The following CARMIL1 variants were observed in gnomAD, a reference collection of about 807,000 sequenced individuals.
CARMIL1 encodes the protein capping protein regulator and myosin 1 linker 1.
In CARMIL1, 90 loss-of-function variants were observed where a neutral mutation model predicts 177.1. That is an observed-to-expected ratio of 0.51 (90% confidence interval 0.43 to 0.61). The LOEUF (loss-of-function observed/expected upper bound fraction) is 0.61. CARMIL1 is among the 20% of genes least tolerant of loss of function. The pLI is 0.00. For synonymous variants in CARMIL1, 577 were observed against 606.2 expected, an observed-to-expected ratio of 0.95 and a Z score of 0.71; for missense variants, 1,380 against 1,667.0, an observed-to-expected ratio of 0.83 and a Z score of 3.00.
At chr6:25,364,710 C>T (rs1789587736) in intron 2 of CARMIL1, among the ~76,000 whole-genome samples, 1 of 152,016 alleles carries the variant, frequency 6.6e-6, no homozygotes, top group East Asian at 1.9e-4. Flanking sequence ...GTTACAAGTG[C>T]CCGCCACCAC....
intron 2 of CARMIL1, among the ~76,000 whole-genome samples, chr6:25,381,294 G>T (rs1791507612): frequency 6.6e-6 from 1 of 152,168 alleles, no homozygotes; most frequent in African/African-American, 2.4e-5. Context: ...TTAGACCTAA[G>T]CCATTCTGGC....
intron 17 of CARMIL1, among the ~76,000 whole-genome samples, chr6:25,502,289 C>T (rs1042197224): frequency 6.0e-5 from 9 of 150,260 alleles, no homozygotes; most frequent in South Asian, 2.1e-4. Flanking sequence ...AGGCTGGGCG[C>T]GGTCAATGCC....
intron 24 of CARMIL1, among the ~76,000 whole-genome samples, chr6:25,535,842 G>T (rs1226169890): frequency 1.3e-5 from 2 of 152,138 alleles, no homozygotes; most frequent in Non-Finnish European, 1.5e-5. Context: ...CTCTTTCATG[G>T]TAAAGGATCT....
intron 16 of CARMIL1, among the ~76,000 whole-genome samples, chr6:25,496,050 C>T (rs1425547428): frequency 6.6e-6 from 1 of 152,164 alleles, no homozygotes; most frequent in Non-Finnish European, 1.5e-5. Context: ...TTAATGTCTG[C>T]TATTCATCTT....
intron 36 of CARMIL1, among the ~76,000 whole-genome samples, chr6:25,614,754 C>G (rs1164958115): frequency 6.6e-6 from 1 of 152,216 alleles, no homozygotes; most frequent in Non-Finnish European, 1.5e-5. Flanking sequence ...AAGAGACGCT[C>G]CCTGCTACCT....
At chr6:25,560,085 CTTTTG>C (rs1200836314) in intron 29 of CARMIL1, among the ~76,000 whole-genome samples, 2 of 152,216 alleles carry the variant, frequency 1.3e-5, no homozygotes, top group South Asian at 4.2e-4. Flanking sequence ...AACAATTAAA[CTTTTG>C]TTTTGACTAA....
intron 35 of CARMIL1, 91 bp from the exon 36 acceptor site, chr6:25,609,959 T>C (rs1304659439): frequency 7.3e-7 from 1 of 1,366,910 alleles, no homozygotes. Flanking sequence ...TTTTTTTAAA[T>C]GACTTATTTT....
chr6:25,532,049 G>T (rs1313804823), intron 24 of CARMIL1, among the ~76,000 whole-genome samples: 1 of 150,918 alleles, frequency 6.6e-6, no homozygotes, highest in Non-Finnish European at 1.5e-5. Context: ...GGGATTATAG[G>T]TGTGAGCTAC....
At chr6:25,476,268 G>T (rs187161625) in intron 11 of CARMIL1, among the ~76,000 whole-genome samples, 1 of 151,964 alleles carries the variant, frequency 6.6e-6, no homozygotes, top group Non-Finnish European at 1.5e-5. Context: ...ATCTAGCTGC[G>T]TCCCATTCAC....
intron 29 of CARMIL1, among the ~76,000 whole-genome samples, chr6:25,570,961 CTT>C (rs1812020609): frequency 1.3e-5 from 2 of 152,098 alleles, no homozygotes; most frequent in African/African-American, 4.8e-5. Context: ...TTAGGTATCT[CTT>C]TTTCTTAGTG....
intron 13 of CARMIL1, among the ~76,000 whole-genome samples, chr6:25,491,045 TA>T (rs1307565151): frequency 1.3e-5 from 2 of 152,226 alleles, no homozygotes; most frequent in Non-Finnish European, 2.9e-5. Context: ...ACATACAGGG[TA>T]ATTCCAGAAC....
chr6:25,518,615 T>G (rs896689186), intron 22 of CARMIL1, among the ~76,000 whole-genome samples: 2 of 152,194 alleles, frequency 1.3e-5, no homozygotes, highest in African/African-American at 4.8e-5. Context: ...AGACATTTAT[T>G]TACACTGAGC....
intron 11 of CARMIL1, among the ~76,000 whole-genome samples, chr6:25,478,036 T>G (rs529261926): frequency 6.6e-6 from 1 of 152,070 alleles, no homozygotes; most frequent in South Asian, 2.1e-4. Context: ...TTAAATTTTT[T>G]TTTGTAGTGA....
intron 32 of CARMIL1, among the ~76,000 whole-genome samples, chr6:25,599,698 G>A (rs545661362): frequency 6.6e-6 from 1 of 152,276 alleles, no homozygotes; most frequent in East Asian, 1.9e-4. Context: ...GAGATGGCCA[G>A]ACTCAAGTCG....
intron 1 of CARMIL1, among the ~76,000 whole-genome samples, chr6:25,283,814 A>G (rs949382074): frequency 3.0e-4 from 46 of 152,108 alleles, no homozygotes; most frequent in African/African-American, 1.1e-3. Context: ...CTCGGTTTCA[A>G]GCAATTCTCG....
At chr6:25,297,845 G>C (rs1168344618) in intron 2 of CARMIL1, among the ~76,000 whole-genome samples, 3 of 152,122 alleles carry the variant, frequency 2.0e-5, no homozygotes, top group Admixed American at 1.3e-4. Flanking sequence ...TCAGAGTAGG[G>C]CTTTACATTT....
intron 11 of CARMIL1, among the ~76,000 whole-genome samples, chr6:25,478,047 T>A (rs933356236): frequency 1.3e-5 from 2 of 151,772 alleles, no homozygotes; most frequent in African/African-American, 4.8e-5. Flanking sequence ...TTTGTAGTGA[T>A]GTGGTCTCAC....
At chr6:25,384,507 C>T (rs749477340) in intron 2 of CARMIL1, among the ~76,000 whole-genome samples, 4 of 152,220 alleles carry the variant, frequency 2.6e-5, no homozygotes, top group Non-Finnish European at 4.4e-5. Context: ...CTCGTGTGTC[C>T]GTTGGGTGAT....
intron 2 of CARMIL1, among the ~76,000 whole-genome samples, chr6:25,313,872 G>A (rs1784048139): frequency 6.6e-6 from 1 of 151,488 alleles, no homozygotes; most frequent in Non-Finnish European, 1.5e-5. Context: ...ACCACAGGAT[G>A]TAGAAACATG....
Sources: allele counts gnomAD v4.1 joint callset (sites outside exome capture counted in the v4.1 genomes callset), GRCh38; gene constraint gnomAD v4.1.1; transcripts MANE v1.5; gene names NCBI Gene and HGNC (gene_info 2026-07-23, HGNC 2026-07-21).